IL2: variants seen among roughly 807,000 people sequenced by gnomAD.
IL2 encodes the protein interleukin 2, also known as interleukin-2.
A neutral mutation model predicts 14.6 loss-of-function variants in IL2; 3 were observed. The observed-to-expected ratio is 0.21, with a 90% CI of 0.09 to 0.53. The LOEUF is 0.53. Among genes scored for constraint, IL2 ranks in the 20% least tolerant of loss-of-function variants. The pLI, the probability that IL2 is intolerant of heterozygous loss-of-function variation, is 0.95. For missense variants in IL2, 125 were observed against 170.8 expected (o/e 0.73, Z 1.50); for synonymous variants, 71 against 60.0 (o/e 1.18, Z -0.85).
chr4:122,455,996 G>T, intron 2 of IL2, 148 bp downstream of exon 2: 3 of 556,324 alleles, frequency 5.4e-6, no homozygotes, highest in East Asian at 3.1e-5. Context: ...TTTTAATAGA[G>T]GCTTCATTAT....
In IL2 at chr4:122,456,420, C is replaced by G. The variant is rs1349203229; in HGVS notation, c.21G>C (p.Leu7=). The G allele has an allele frequency of 6.2e-7, 1 of 1,611,714 alleles. No individual in the cohort carries two copies. Among genetic ancestry groups the G allele is most frequent in the East Asian group, 2.2e-5 (1 of 44,836 alleles). MYRMQL[L]SCIALSLALV... is the part of the protein sequence containing the mutation. Reference sequence around the variant, plus strand: ...GTGCAAGACTTAGTGCAATGCAAGACAGGAGTTGCATCCTGTACATTGTGG... The same window carrying G: ...GTGCAAGACTTAGTGCAATGCAAGAGAGGAGTTGCATCCTGTACATTGTGG... Residue 7 remains leucine, a synonymous_variant, in exon 1 of 4, where the codon CTG becomes CTC. Coordinates refer to ENST00000226730, the MANE Select transcript of IL2 (RefSeq NM_000586.4).
In IL2 at chr4:122,453,740, G is replaced by T. The variant is rs779955038; in HGVS notation, c.321C>A (p.Ser107Arg). 9.9e-6 allele frequency: 16 copies of T among 1,609,794 alleles called. No homozygotes were observed. The highest frequency in any genetic ancestry group is 1.4e-5 in the Non-Finnish European group (16 of 1,177,768). Residue 107 changes from serine to arginine, a missense_variant, in exon 3 of 4, where the codon AGC becomes AGA. Coordinates refer to ENST00000226730, the MANE Select transcript of IL2 (RefSeq NM_000586.4). ...NFHLRPRDLI[S>R]NINVIVLELK... ...GTTCCAGAACTATTACGTTGATATTGCTGATTAAGTCCCTGGGTCTTAAGT... is the reference window on the plus strand; with the variant it reads ...GTTCCAGAACTATTACGTTGATATTTCTGATTAAGTCCCTGGGTCTTAAGT...
chr4:122,454,754 A>AG (rs565228344), intron 2 of IL2, among the ~76,000 whole-genome samples: 9 of 151,964 alleles, frequency 5.9e-5, no homozygotes, highest in African/African-American at 2.2e-4. Context: ...AGTTTCTAAA[A>AG]TCTTTTGTAA....
rs756737575 is a variant in IL2, at chr4:122,453,730, C to T, written c.331G>A (p.Val111Ile). Residue 111 changes from valine to isoleucine, a missense_variant, in exon 3 of 4, where the codon GTA becomes ATA. Transcript: ENST00000226730. ...RPRDLISNINVIVLELKGSET... is the reference protein window; with the variant it reads ...RPRDLISNINIIVLELKGSET... Reference sequence around the variant, plus strand: ...CTTACCTTTAGTTCCAGAACTATTACGTTGATATTGCTGATTAAGTCCCTG... The same window carrying T: ...CTTACCTTTAGTTCCAGAACTATTATGTTGATATTGCTGATTAAGTCCCTG... The T allele has an allele frequency of 2.3e-5, 37 of 1,608,796 alleles. No homozygotes were observed. Among genetic ancestry groups the T allele is most frequent in the South Asian group, 2.2e-4 (20 of 90,434 alleles).
In IL2 at chr4:122,451,674, A is replaced by G; in HGVS notation, c.*78T>C. 1 of 479,304 alleles carries G rather than the reference A, an allele frequency of 2.1e-6. No individual in the cohort carries two copies. Among genetic ancestry groups the G allele is most frequent in the Admixed American group, 4.1e-5 (1 of 24,174 alleles). 29.7% of individuals were successfully genotyped at this position (479,304 alleles called of 1,614,324 possible). On this transcript the variant is annotated 3_prime_UTR_variant, in exon 4 of 4. Transcript: ENST00000226730. ...AGTTACAATAGGTAGCAAACCATAC[A>G]TTCAACAATAAATATAAAATTTAAA...
chr4:122,456,430 A>T lies in IL2; in HGVS notation c.11T>A (p.Met4Lys). The stretch of plus-strand genomic sequence containing the variant: ...TAGTGCAATGCAAGACAGGAGTTGC[A>T]TCCTGTACATTGTGGCAGGAGTTGA... Reference protein sequence around the residue: MYRMQLLSCIALSL... With the variant: MYRKQLLSCIALSL... Residue 4 changes from methionine (M) to lysine (K), a missense_variant, in exon 1 of 4, where the codon ATG (methionine) becomes AAG (lysine). Transcript: ENST00000226730. The T allele has an allele frequency of 1.9e-6, 3 of 1,609,276 alleles. No homozygotes were observed. Among genetic ancestry groups the T allele is most frequent in the Non-Finnish European group, 2.5e-6 (3 of 1,176,796 alleles).
chr4:122,453,142 C>T (rs1399209539), intron 3 of IL2, among the ~76,000 whole-genome samples: 2 of 151,794 alleles, frequency 1.3e-5, no homozygotes, highest in Non-Finnish European at 2.9e-5. Context: ...CACCTGAGTC[C>T]CTTGCATATT....
intron 2 of IL2, among the ~76,000 whole-genome samples, chr4:122,454,713 C>G (rs537547408): frequency 2.0e-5 from 3 of 151,918 alleles, no homozygotes; most frequent in South Asian, 2.1e-4. Flanking sequence ...ATAGCATTAA[C>G]ATAGCATCCT....
At chr4:122,456,054 G>C (rs1194569686) in intron 2 of IL2, 90 bp downstream of exon 2, 4 of 897,492 alleles carry the variant, frequency 4.5e-6, no homozygotes, top group East Asian at 5.0e-5. Context: ...CTTTACCTCA[G>C]ATGAGCTGCT....
intron 2 of IL2, among the ~76,000 whole-genome samples, chr4:122,454,953 A>T (rs1292586356): frequency 6.6e-6 from 1 of 151,766 alleles, no homozygotes. Context: ...TGCGCTTTCA[A>T]TTCACCACTA....
intron 3 of IL2, among the ~76,000 whole-genome samples, chr4:122,453,244 T>A (rs976954963): frequency 1.3e-5 from 2 of 151,908 alleles, no homozygotes; most frequent in African/African-American, 4.8e-5. Flanking sequence ...ACTGGCCATT[T>A]TAATGGCTCC....
At chr4:122,455,599 T>C (rs1797721415) in intron 2 of IL2, among the ~76,000 whole-genome samples, 1 of 151,936 alleles carries the variant, frequency 6.6e-6, no homozygotes, top group Non-Finnish European at 1.5e-5. Context: ...TATACAGTTA[T>C]TCATTTAAGT....
intron 2 of IL2, 54 bp downstream of exon 2, chr4:122,456,090 A>G (rs2150634320): frequency 7.5e-7 from 1 of 1,330,322 alleles, no homozygotes; most frequent in Non-Finnish European, 1.1e-6. Context: ...GCAAATTTTC[A>G]TATTACTTTG....
chr4:122,453,995 G>C (rs946667451), intron 2 of IL2, 142 bp from the exon 3 acceptor site: 18 of 689,628 alleles, frequency 2.6e-5, no homozygotes, highest in Middle Eastern at 4.1e-4. Flanking sequence ...TGGACCAGTA[G>C]AGTTTACATT....
intron 2 of IL2, among the ~76,000 whole-genome samples, chr4:122,455,760 A>C (rs973300219): frequency 2.2e-4 from 33 of 152,026 alleles, no homozygotes; most frequent in African/African-American, 6.0e-4. Context: ...ACCTTTCCTA[A>C]AACAAGAAAA....
chr4:122,454,442 C>T (rs1398323629), intron 2 of IL2, among the ~76,000 whole-genome samples: 1 of 151,636 alleles, frequency 6.6e-6, no homozygotes. Flanking sequence ...ATGTTTGTCC[C>T]AGTGAAATAA....
rs1018074398 is a variant in IL2, at chr4:122,451,524, A to G, written c.*228T>C. 4.6e-5 allele frequency: 12 copies of G among 259,390 alleles called. No individual in the cohort carries two copies. Among genetic ancestry groups the G allele is most frequent in the Non-Finnish European group, 8.1e-5 (11 of 136,518 alleles). 16.1% of individuals were successfully genotyped at this position (259,390 alleles called of 1,614,324 possible). ...TTACTAACCAATCTACATAGATACT[A>G]TATTTAACATTCAACATAATAATAA... On this transcript the variant is annotated 3_prime_UTR_variant, in exon 4 of 4. Coordinates refer to ENST00000226730, the MANE Select transcript of IL2 (RefSeq NM_000586.4).
chr4:122,453,531 C>T (rs1038066200), intron 3 of IL2, among the ~76,000 whole-genome samples, 179 bp downstream of exon 3: 3 of 151,744 alleles, frequency 2.0e-5, no homozygotes, highest in African/African-American at 7.3e-5. Flanking sequence ...GCTTATACTC[C>T]CCAGTTAATC....
At chr4:122,453,679 T>G in intron 3 of IL2, 31 bp downstream of exon 3, 1 of 1,559,408 alleles carries the variant, frequency 6.4e-7, no homozygotes, top group Non-Finnish European at 8.7e-7. Flanking sequence ...TTTTTTTTAT[T>G]TCCAGGAGAG....
Sources: gnomAD v4.1 joint callset for allele counts (sites outside exome capture counted in the v4.1 genomes callset) on GRCh38, gnomAD v4.1.1 for gene constraint, MANE v1.5 for transcripts, NCBI Gene and HGNC (gene_info 2026-07-23, HGNC 2026-07-21) for gene names.